Variants in DPP6 observed in about 807,000 individuals in gnomAD.
DPP6 encodes A-type potassium channel modulatory protein DPP6.
A neutral mutation model predicts 122.6 loss-of-function variants in DPP6; 69 were observed. That is an observed-to-expected ratio of 0.56 (90% CI 0.46 to 0.69). DPP6 has a LOEUF of 0.69. Ranked by LOEUF, DPP6 falls within the 30% of genes least tolerant of loss-of-function variation. The pLI, the probability that DPP6 is intolerant of heterozygous loss-of-function variation, is 0.00. For synonymous variants in DPP6, 418 were observed against 433.1 expected (o/e 0.97, Z 0.43); for missense variants, 928 against 1,116.9 (o/e 0.83, Z 2.41).
chr7:154,823,705 C>G (rs1022452333), intron 16 of DPP6, among the ~76,000 whole-genome samples: 1 of 152,148 alleles, frequency 6.6e-6, no homozygotes, highest in South Asian at 2.1e-4. Flanking sequence ...GTGATAGGCA[C>G]ATTTGTGTAG....
At chr7:154,143,943 G>A (rs1317937469) in intron 1 of DPP6, among the ~76,000 whole-genome samples, 2 of 152,126 alleles carry the variant, frequency 1.3e-5, no homozygotes, top group South Asian at 2.1e-4. Context: ...TAGGTCAGAA[G>A]TATATATTTT....
intron 1 of DPP6, among the ~76,000 whole-genome samples, chr7:154,252,213 CGTGT>C (rs141850746): frequency 0.045 from 6,802 of 150,558 alleles, 185 homozygotes; most frequent in South Asian, 0.1. Context: ...CACAATGTCA[CGTGT>C]GTGTGTGTGT....
intron 7 of DPP6, among the ~76,000 whole-genome samples, chr7:154,716,698 T>A (rs1841504437): frequency 6.6e-6 from 1 of 151,198 alleles, no homozygotes; most frequent in Admixed American, 6.6e-5. Flanking sequence ...AGAGCATTTT[T>A]TTTTTCTCCT....
At chr7:154,225,352 A>G (rs914023704) in intron 1 of DPP6, among the ~76,000 whole-genome samples, 2 of 152,144 alleles carry the variant, frequency 1.3e-5, no homozygotes, top group Non-Finnish European at 2.9e-5. Context: ...CAGCCTATAT[A>G]TTTTAAAATA....
chr7:154,612,282 G>T (rs923942795), intron 5 of DPP6, among the ~76,000 whole-genome samples: 1 of 152,198 alleles, frequency 6.6e-6, no homozygotes, highest in Non-Finnish European at 1.5e-5. Flanking sequence ...GTTCTGTCAT[G>T]AGGACCCCTC....
upstream of DPP6, among the ~76,000 whole-genome samples, chr7:154,051,435 G>A (rs1800307701): frequency 6.6e-6 from 1 of 151,282 alleles, no homozygotes; most frequent in African/African-American, 2.4e-5. Flanking sequence ...GAGCCGGGGA[G>A]GACGCGGGAG....
chr7:153,945,891 G>A (rs181174277), intron 1 of DPP6, among the ~76,000 whole-genome samples: 2 of 152,222 alleles, frequency 1.3e-5, no homozygotes, highest in African/African-American at 4.8e-5. Flanking sequence ...TTTTATTGAC[G>A]TAGAACACGA....
intron 1 of DPP6, among the ~76,000 whole-genome samples, chr7:153,892,728 T>G (rs1036626821): frequency 1.3e-5 from 2 of 152,192 alleles, no homozygotes; most frequent in African/African-American, 4.8e-5. Flanking sequence ...AAATGCTTGG[T>G]GCTGGTTCTA....
chr7:154,510,767 G>A (rs1826005940), intron 3 of DPP6, among the ~76,000 whole-genome samples: 1 of 151,682 alleles, frequency 6.6e-6, no homozygotes, highest in South Asian at 2.1e-4. Flanking sequence ...AAGAGGGTAA[G>A]GAGGTTGAAC....
intron 4 of DPP6, among the ~76,000 whole-genome samples, chr7:154,551,680 T>C (rs78354118): frequency 0.041 from 6,169 of 152,214 alleles, 426 homozygotes; most frequent in African/African-American, 0.14. Context: ...TGTAGTCCTT[T>C]CATTTGCTCC....
intron 1 of DPP6, among the ~76,000 whole-genome samples, chr7:154,444,137 C>T (rs942058676): frequency 2.1e-4 from 32 of 152,106 alleles, no homozygotes; most frequent in African/African-American, 7.2e-4. Context: ...ATTAAATGTG[C>T]ATATAGACCA....
At chr7:154,108,346 A>G (rs545344067) in intron 1 of DPP6, among the ~76,000 whole-genome samples, 3 of 152,276 alleles carry the variant, frequency 2.0e-5, no homozygotes, top group East Asian at 1.9e-4. Context: ...TAGTAAACCA[A>G]TTGATGTAGG....
chr7:154,485,416 A>T (rs1823700046), intron 3 of DPP6, among the ~76,000 whole-genome samples: 1 of 152,018 alleles, frequency 6.6e-6, no homozygotes, highest in African/African-American at 2.4e-5. Flanking sequence ...AAGAGAAGAG[A>T]GCCTCAGTTG....
chr7:154,501,397 C>T (rs1374457199), intron 3 of DPP6, among the ~76,000 whole-genome samples: 2 of 152,218 alleles, frequency 1.3e-5, no homozygotes, highest in Non-Finnish European at 2.9e-5. Context: ...CCCCTCTCAT[C>T]ACAGACCTGG....
chr7:154,045,262 A>C (rs1799964775), intron 1 of DPP6, among the ~76,000 whole-genome samples: 1 of 151,912 alleles, frequency 6.6e-6, no homozygotes, highest in Non-Finnish European at 1.5e-5. Flanking sequence ...TTCTTGAAAA[A>C]TCCTTACCCT....
At chr7:154,044,429 A>G (rs1799917924) in intron 1 of DPP6, among the ~76,000 whole-genome samples, 2 of 152,178 alleles carry the variant, frequency 1.3e-5, no homozygotes, top group African/African-American at 4.8e-5. Flanking sequence ...GTATGCATGA[A>G]TCAGGGTTTT....
intron 3 of DPP6, among the ~76,000 whole-genome samples, chr7:154,531,141 A>G (rs1478213403): frequency 6.6e-6 from 1 of 152,224 alleles, no homozygotes; most frequent in Admixed American, 6.5e-5. Flanking sequence ...AGATTTACCT[A>G]TGTAACAAAC....
chr7:154,147,089 C>T (rs374743337), intron 1 of DPP6, among the ~76,000 whole-genome samples: 7,194 of 146,096 alleles, frequency 0.049, no homozygotes, highest in African/African-American at 0.17. Context: ...TCTGAAAAAA[C>T]AGGGAATCCA....
intron 8 of DPP6, among the ~76,000 whole-genome samples, chr7:154,766,430 T>A (rs1229084500): frequency 1.3e-5 from 2 of 152,186 alleles, no homozygotes. Flanking sequence ...TTCTCCTGCC[T>A]CAGCCTCCCG....
Sources: allele counts gnomAD v4.1 joint callset (sites outside exome capture counted in the v4.1 genomes callset), GRCh38; gene constraint gnomAD v4.1.1; transcripts MANE v1.5; gene names NCBI Gene and HGNC (gene_info 2026-07-23, HGNC 2026-07-21).